PIK3AP1: variants seen among roughly 807,000 people sequenced by gnomAD.
PIK3AP1 encodes phosphoinositide-3-kinase adaptor protein 1.
A neutral mutation model predicts 88.1 loss-of-function variants in PIK3AP1; 21 were observed. The observed-to-expected ratio is 0.24, with a 90% CI of 0.17 to 0.34. The LOEUF (loss-of-function observed/expected upper bound fraction) is 0.34. Ranked by LOEUF, PIK3AP1 falls within the 10% of genes least tolerant of loss-of-function variation. The pLI is 1.00. For synonymous variants in PIK3AP1, 398 were observed against 400.0 expected, an observed-to-expected ratio of 1.00 and a Z score of 0.06; for missense variants, 828 against 1,035.7, an observed-to-expected ratio of 0.80 and a Z score of 2.75.
intron 7 of PIK3AP1, among the ~76,000 whole-genome samples, chr10:96,646,502 C>G (rs1184545473): frequency 6.6e-6 from 1 of 152,110 alleles, no homozygotes; most frequent in Non-Finnish European, 1.5e-5. Context: ...AAAAAAATGA[C>G]ACAAGAAGGT....
intron 2 of PIK3AP1, among the ~76,000 whole-genome samples, chr10:96,660,553 A>T (rs1843672556): frequency 6.6e-6 from 1 of 152,214 alleles, no homozygotes; most frequent in African/African-American, 2.4e-5. Flanking sequence ...GTAGGAATGC[A>T]TCCTTTGCTG....
At chr10:96,604,344 ATTTTTTTTTTTT>A (rs66487275) in intron 14 of PIK3AP1, among the ~76,000 whole-genome samples, 28 of 77,126 alleles carry the variant, frequency 3.6e-4, no homozygotes, top group Non-Finnish European at 5.7e-4. Flanking sequence ...CACCTAGCCA[ATTTTTTTTTTTT>A]TTTTTTTTTT....
At chr10:96,603,550 T>C (rs1848941005) in intron 15 of PIK3AP1, among the ~76,000 whole-genome samples, 1 of 152,168 alleles carries the variant, frequency 6.6e-6, no homozygotes, top group African/African-American at 2.4e-5. Flanking sequence ...GCATGCTTCC[T>C]GCCCTCAAAC....
At chr10:96,648,554 T>G in intron 7 of PIK3AP1, 105 bp downstream of exon 7, 1 of 1,234,270 alleles carries the variant, frequency 8.1e-7, no homozygotes, top group African/African-American at 1.6e-5. Context: ...AAGAGGTACA[T>G]GAGGACATGC....
chr10:96,664,254 T>C (rs1300541298), intron 2 of PIK3AP1, among the ~76,000 whole-genome samples: 2 of 152,240 alleles, frequency 1.3e-5, no homozygotes, highest in East Asian at 1.9e-4. Context: ...GCTTACGGCA[T>C]GCGAAGCGAA....
At chr10:96,608,462 G>A (rs1564952819) in intron 14 of PIK3AP1, among the ~76,000 whole-genome samples, 1 of 152,236 alleles carries the variant, frequency 6.6e-6, no homozygotes, top group African/African-American at 2.4e-5. Context: ...AGGCAGTCAC[G>A]TGATAGGCTG....
chr10:96,664,004 C>T (rs969419438), intron 2 of PIK3AP1, among the ~76,000 whole-genome samples: 44 of 152,276 alleles, frequency 2.9e-4, no homozygotes, highest in African/African-American at 9.9e-4. Context: ...GAGGGAAGTA[C>T]AAACTGCACA....
chr10:96,612,044 C>A (rs1435102724), intron 13 of PIK3AP1, among the ~76,000 whole-genome samples: 1 of 152,176 alleles, frequency 6.6e-6, no homozygotes, highest in African/African-American at 2.4e-5. Flanking sequence ...CTTTAAACTT[C>A]ATGACTTCTC....
chr10:96,694,954 T>C (rs923585949), intron 2 of PIK3AP1, among the ~76,000 whole-genome samples: 13 of 152,242 alleles, frequency 8.5e-5, no homozygotes, highest in African/African-American at 3.1e-4. Flanking sequence ...CCCCGGACCA[T>C]GGGAAAGACT....
intron 15 of PIK3AP1, 122 bp downstream of exon 15, chr10:96,603,857 C>T: frequency 2.1e-6 from 2 of 934,018 alleles, no homozygotes; most frequent in South Asian, 3.7e-5. Flanking sequence ...TCTGGCATTT[C>T]ATATAAATGG....
chr10:96,663,486 C>T (rs906726002), intron 2 of PIK3AP1, among the ~76,000 whole-genome samples: 4 of 151,562 alleles, frequency 2.6e-5, no homozygotes, highest in South Asian at 2.1e-4. Flanking sequence ...AAAAATTAGC[C>T]GGGCATGGTG....
intron 2 of PIK3AP1, among the ~76,000 whole-genome samples, chr10:96,686,598 A>G (rs1844071542): frequency 6.6e-6 from 1 of 152,160 alleles, no homozygotes; most frequent in African/African-American, 2.4e-5. Flanking sequence ...AGCATTTCAC[A>G]GTATCCACAA....
rs539967249 is a variant in PIK3AP1, at chr10:96,720,280, C to A, written c.13+102G>T. 2,023 of 1,128,324 alleles carry A rather than the reference C, an allele frequency of 1.8e-3. 13 individuals are homozygous for A. The highest frequency in any genetic ancestry group is 0.018 in the Middle Eastern group (56 of 3,168). The allele number at this position is 1,128,324 out of a possible 1,614,324, so 69.9% of individuals were successfully genotyped here. A position where few individuals can be genotyped will look rare whatever the true frequency, so the allele number is the denominator to read the frequency against. On this transcript the variant is annotated intron_variant, in intron 1 of 16. Coordinates refer to ENST00000339364, the MANE Select transcript of PIK3AP1 (RefSeq NM_152309.3). The surrounding 1 kb of genome is among the most constrained non-coding windows in gnomAD (Gnocchi z 4.6). Reference sequence around the variant, plus strand: ...GCAGAAAGAGGGCAAGATCCCCGCACAGAGGACGCAAACAGAAGCAAGCGG... The same window carrying A: ...GCAGAAAGAGGGCAAGATCCCCGCAAAGAGGACGCAAACAGAAGCAAGCGG...
chr10:96,662,490 C>T (rs1276221795), intron 2 of PIK3AP1, among the ~76,000 whole-genome samples: 2 of 151,890 alleles, frequency 1.3e-5, no homozygotes, highest in South Asian at 4.2e-4. Context: ...GTATTCTCAA[C>T]TACTCAAGAG....
intron 7 of PIK3AP1, 60 bp downstream of exon 7, chr10:96,648,599 G>A: frequency 6.6e-7 from 1 of 1,508,344 alleles, no homozygotes. Context: ...TGGGTGAAAG[G>A]GCAGCCATAC....
At chr10:96,705,579 CTTTTT>C (rs57429192) in intron 2 of PIK3AP1, among the ~76,000 whole-genome samples, 1 of 133,898 alleles carries the variant, frequency 7.5e-6, no homozygotes, top group Non-Finnish European at 1.6e-5. Context: ...CATTGCATTT[CTTTTT>C]TTTTTTTTTT....
intron 2 of PIK3AP1, among the ~76,000 whole-genome samples, chr10:96,689,460 C>T (rs1844122442): frequency 6.6e-6 from 1 of 150,878 alleles, no homozygotes; most frequent in Non-Finnish European, 1.5e-5. Flanking sequence ...GTCCCAGCTA[C>T]TCAGGAGGCC....
At chr10:96,674,264 C>T (rs1042191350) in intron 2 of PIK3AP1, among the ~76,000 whole-genome samples, 1 of 152,200 alleles carries the variant, frequency 6.6e-6, no homozygotes, top group Admixed American at 6.5e-5. Flanking sequence ...AACGCAATTA[C>T]TAACAGATTC....
At chr10:96,626,061 T>C (rs1843150450) in intron 10 of PIK3AP1, among the ~76,000 whole-genome samples, 1 of 152,218 alleles carries the variant, frequency 6.6e-6, no homozygotes, top group Non-Finnish European at 1.5e-5. Flanking sequence ...CTAATACTCT[T>C]ATAGTACTTG....
Sources: allele counts gnomAD v4.1 joint callset (sites outside exome capture counted in the v4.1 genomes callset), GRCh38; gene constraint gnomAD v4.1.1; non-coding constraint Gnocchi (gnomAD v3.1); transcripts MANE v1.5; gene names NCBI Gene and HGNC (gene_info 2026-07-23, HGNC 2026-07-21).